Variants in RAB8B observed in about 807,000 individuals in gnomAD.
The protein encoded by RAB8B is RAB8B, member RAS oncogene family, also known as ras-related protein Rab-8B.
RAB8B carries 11 observed loss-of-function variants against 32.0 expected under a neutral mutation model. The observed-to-expected ratio is 0.34, with a 90% CI of 0.22 to 0.57. The LOEUF (loss-of-function observed/expected upper bound fraction) is 0.57. RAB8B is among the 20% of genes least tolerant of loss of function. The pLI, the probability that RAB8B is intolerant of heterozygous loss-of-function variation, is 0.86. For synonymous variants in RAB8B, 103 were observed against 89.6 expected, an observed-to-expected ratio of 1.15 and a Z score of -0.85; for missense variants, 190 against 258.5, an observed-to-expected ratio of 0.73 and a Z score of 1.82.
chr15:63,200,709 CTT>C (rs2037640590), intron 1 of RAB8B, among the ~76,000 whole-genome samples: 1 of 152,154 alleles, frequency 6.6e-6, no homozygotes, highest in Non-Finnish European at 1.5e-5. Context: ...ATAGGAAGCC[CTT>C]TGCTGGTGCT....
In RAB8B at chr15:63,263,827, A is replaced by G. The variant is rs558205431; in HGVS notation, c.*208A>G. The G allele has an allele frequency of 1.6e-5, 8 of 496,164 alleles. 1 individual carries two copies. Among genetic ancestry groups the G allele is most frequent in the African/African-American group, 1.5e-4 (8 of 51,814 alleles). The allele number at this position is 496,164 out of a possible 1,614,324, so 30.7% of individuals were successfully genotyped here. A position where few individuals can be genotyped will look rare whatever the true frequency, so the allele number is the denominator to read the frequency against. On this transcript the variant is annotated 3_prime_UTR_variant, in exon 8 of 8. Transcript: ENST00000321437. ...CCCTTTTTCAAACATGGAAGCAATGAAGTGGAGACACATGCAGGACCTAAC... is the reference window on the plus strand; with the variant it reads ...CCCTTTTTCAAACATGGAAGCAATGGAGTGGAGACACATGCAGGACCTAAC...
rs149327252 is a variant in RAB8B at position 63,248,252 on chromosome 15, G to A, written c.186-1393G>A. On this transcript the variant is annotated intron_variant, in intron 2 of 7. Coordinates refer to ENST00000321437, the MANE Select transcript of RAB8B (RefSeq NM_016530.3). The surrounding 1 kb of genome is among the most constrained non-coding windows in gnomAD (Gnocchi z 4.4). ...AGCTGGGCCGGGTGCAGTGGCTCAC[G>A]CCTGTAATGCCAGCACGTTGGGAGG... is the stretch of plus-strand genomic sequence containing the variant. Among the ~76,000 whole-genome samples the A allele has an allele frequency of 3.9e-4, 59 of 152,306 alleles. No homozygotes were observed. Among genetic ancestry groups the A allele is most frequent in the South Asian group, 6.2e-4 (3 of 4,828 alleles).
chr15:63,258,616 C>T (rs1312513215), intron 5 of RAB8B, among the ~76,000 whole-genome samples: 1 of 152,104 alleles, frequency 6.6e-6, no homozygotes, highest in Admixed American at 6.5e-5. Context: ...AATGAAAGTA[C>T]ACTCCACAGA....
At position 63,255,531 on chromosome 15, in the gene RAB8B, A is replaced by G; in HGVS notation, c.271A>G (p.Thr91Ala). ...AMGIMLVYDI[T>A]NEKSFDNIKN... is the part of the protein sequence containing the mutation. ...GGGCATTATGCTGGTCTATGACATC[A>G]CAAATGAAAAATCCTTTGACAATAT... The change falls in exon 4 of 8, where the codon ACA (threonine) becomes GCA (alanine). Residue 91 changes from threonine to alanine, a missense_variant. This residue lies in a region of RAB8B where 80 missense variants were observed against 142.6 expected (regional missense o/e 0.56). Coordinates refer to ENST00000321437, the MANE Select transcript of RAB8B (RefSeq NM_016530.3). 1 of 1,605,682 alleles carries G rather than the reference A, an allele frequency of 6.2e-7. No homozygotes were observed. The highest frequency in any genetic ancestry group is 8.5e-7 in the Non-Finnish European group (1 of 1,172,338).
At chr15:63,243,369 G>T in intron 1 of RAB8B, among the ~76,000 whole-genome samples, 1 of 152,314 alleles carries the variant, frequency 6.6e-6, no homozygotes, top group South Asian at 2.1e-4. Flanking sequence ...AGATGATGAC[G>T]ATTTAGCAAA....
chr15:63,241,509 A>G (rs917143214), intron 1 of RAB8B, among the ~76,000 whole-genome samples: 3 of 152,146 alleles, frequency 2.0e-5, no homozygotes, highest in Non-Finnish European at 4.4e-5. Context: ...TTCAGTGTAC[A>G]GTTCAGTAGT....
intron 1 of RAB8B, among the ~76,000 whole-genome samples, chr15:63,193,916 T>C: frequency 6.6e-6 from 1 of 152,214 alleles, no homozygotes; most frequent in East Asian, 1.9e-4. Flanking sequence ...AGATTATATT[T>C]CCTCTGGGAA....
At chr15:63,230,967 G>A (rs2037931993) in intron 1 of RAB8B, among the ~76,000 whole-genome samples, 1 of 152,124 alleles carries the variant, frequency 6.6e-6, no homozygotes, top group South Asian at 2.1e-4. Flanking sequence ...TAGTAATTTG[G>A]TAAAGACCCT....
chr15:63,219,483 C>A (rs2037825605), intron 1 of RAB8B, among the ~76,000 whole-genome samples: 1 of 148,098 alleles, frequency 6.8e-6, no homozygotes. Context: ...GGAAAGAGAA[C>A]AGACAAGAAC....
At chr15:63,242,223 C>T (rs950432386) in intron 1 of RAB8B, among the ~76,000 whole-genome samples, 12 of 151,596 alleles carry the variant, frequency 7.9e-5, no homozygotes, top group African/African-American at 2.7e-4. Flanking sequence ...AAAAAGGCTC[C>T]GTGGGGGAAA....
chr15:63,229,780 CAAAAAAAAAAAAAAAAAAA>C lies in RAB8B; in HGVS notation c.125-14964_125-14946del, dbSNP rs56015501. Among the ~76,000 whole-genome samples, 260 of 35,994 alleles carry C rather than the reference CAAAAAAAAAAAAAAAAAAA, an allele frequency of 7.2e-3. 1 individual carries two copies. The highest frequency in any genetic ancestry group is 0.013 in the Non-Finnish European group (211 of 15,878). 23.6% of individuals were successfully genotyped at this position (35,994 alleles called of 152,430 possible). On this transcript the variant is annotated intron_variant, in intron 1 of 7. Transcript: ENST00000321437. ...TAGGTGACAGAGCAAGACGCTGTTT[CAAAAAAAAAAAAAAAAAAA>C]AAAAAAAAAAAGAAGCCAAACCAAG...
intron 1 of RAB8B, among the ~76,000 whole-genome samples, chr15:63,231,104 A>G (rs1301370812): frequency 6.6e-6 from 1 of 152,218 alleles, no homozygotes; most frequent in African/African-American, 2.4e-5. Context: ...TTTTCCTGGA[A>G]AGTAAAAATA....
At chr15:63,255,398 G>GA (rs1250758489) in intron 3 of RAB8B, 109 bp from the exon 4 acceptor site, 1 of 678,210 alleles carries the variant, frequency 1.5e-6, no homozygotes, top group Non-Finnish European at 2.3e-6. Context: ...TTTTTAAAGG[G>GA]AAAAAATGGA....
chr15:63,248,055 T>TA lies in RAB8B; in HGVS notation c.186-1585dup, dbSNP rs2038085331. On this transcript the variant is annotated intron_variant, in intron 2 of 7. Transcript: ENST00000321437. The surrounding 1 kb of genome is among the most constrained non-coding windows in gnomAD (Gnocchi z 4.4). Reference sequence around the variant, plus strand: ...TCTCAGAGAAATATGGTTAGTCTGCTAAAAAGTGCTTGCCTTCCATTTCCC... The same window carrying TA: ...TCTCAGAGAAATATGGTTAGTCTGCTAAAAAAGTGCTTGCCTTCCATTTCCC... Among the ~76,000 whole-genome samples the TA allele has an allele frequency of 6.6e-6, 1 of 152,240 alleles. No homozygotes were observed. Among genetic ancestry groups the TA allele is most frequent in the African/African-American group, 2.4e-5 (1 of 41,452 alleles).
At chr15:63,207,807 G>A (rs2037711540) in intron 1 of RAB8B, among the ~76,000 whole-genome samples, 1 of 152,058 alleles carries the variant, frequency 6.6e-6, no homozygotes. Context: ...TTCATGATCT[G>A]CCCACCTCGG....
chr15:63,210,591 C>T (rs2037738645), intron 1 of RAB8B, among the ~76,000 whole-genome samples: 1 of 152,158 alleles, frequency 6.6e-6, no homozygotes, highest in South Asian at 2.1e-4. Context: ...TTCTGTGGAT[C>T]ATTTTTCAAT....
chr15:63,206,794 G>A (rs1410811655), intron 1 of RAB8B, among the ~76,000 whole-genome samples: 2 of 151,854 alleles, frequency 1.3e-5, no homozygotes, highest in Non-Finnish European at 2.9e-5. Context: ...TTAATTTCTT[G>A]AAAGAGAGAA....
At chr15:63,208,742 C>T (rs1212279474) in intron 1 of RAB8B, among the ~76,000 whole-genome samples, 1 of 152,030 alleles carries the variant, frequency 6.6e-6, no homozygotes, top group Non-Finnish European at 1.5e-5. Flanking sequence ...AGAATTGTCT[C>T]TCTTCACCCC....
At position 63,214,286 on chromosome 15, in the gene RAB8B, CTTTTTT is replaced by C. The variant is rs34415858; in HGVS notation, c.124+24556_124+24561del. On this transcript the variant is annotated intron_variant, in intron 1 of 7. Transcript: ENST00000321437. ...GGAAATGGGTACGCTCAGTTTCTTT[CTTTTTT>C]TTTTTTTTTTTTTTTTTGAGACGGA... Among the ~76,000 whole-genome samples, 26 of 95,644 alleles carry C rather than the reference CTTTTTT, an allele frequency of 2.7e-4. No individual in the cohort carries two copies. In the East Asian group the frequency reaches 0.013, roughly 46 times the overall value. 62.7% of individuals were successfully genotyped at this position (95,644 alleles called of 152,430 possible). A position where few individuals can be genotyped will look rare whatever the true frequency, so the allele number is the denominator to read the frequency against.
Sources: gnomAD v4.1 joint callset for allele counts (sites outside exome capture counted in the v4.1 genomes callset) on GRCh38, gnomAD v4.1.1 for gene constraint, gnomAD v4.1.1 regional missense constraint, Gnocchi (gnomAD v3.1) non-coding constraint, MANE v1.5 for transcripts, NCBI Gene and HGNC (gene_info 2026-07-23, HGNC 2026-07-21) for gene names.